UQCC1: variants seen among roughly 807,000 people sequenced by gnomAD.
UQCC1 encodes ubiquinol-cytochrome c reductase complex assembly factor 1.
Under a neutral mutation model 48.0 loss-of-function variants are expected in UQCC1, and 38 were observed. The ratio of observed to expected loss-of-function variants is 0.79; its 90% CI spans 0.61 to 1.04. The LOEUF (loss-of-function observed/expected upper bound fraction) is 1.04, where lower values mean the gene tolerates loss of function less well. UQCC1 is among the 50% of genes least tolerant of loss of function. The pLI is 0.00. For synonymous variants in UQCC1, 111 were observed against 129.2 expected, an observed-to-expected ratio of 0.86 and a Z score of 0.95; for missense variants, 368 against 381.8, an observed-to-expected ratio of 0.96 and a Z score of 0.30.
chr20:35,328,431 C>G (rs1293084288), intron 7 of UQCC1, among the ~76,000 whole-genome samples: 1 of 152,198 alleles, frequency 6.6e-6, no homozygotes, highest in African/African-American at 2.4e-5. Flanking sequence ...CACTCTCAGG[C>G]ATTGTTTAAA....
chr20:35,386,490 T>TC, intron 2 of UQCC1: 1 of 381,382 alleles, frequency 2.6e-6, no homozygotes, highest in Non-Finnish European at 5.1e-6. Context: ...TTCTGGTCAG[T>TC]CCCAAGGACA....
At chr20:35,374,369 C>T in intron 4 of UQCC1, 113 bp from the exon 5 acceptor site, 2 of 724,748 alleles carry the variant, frequency 2.8e-6, no homozygotes, top group Non-Finnish European at 4.5e-6. Flanking sequence ...AGGGTCCAAA[C>T]CACTCTCTAG....
intron 7 of UQCC1, among the ~76,000 whole-genome samples, chr20:35,316,133 A>T (rs1198066044): frequency 6.6e-6 from 1 of 152,206 alleles, no homozygotes; most frequent in Non-Finnish European, 1.5e-5. Context: ...AATGTATAGC[A>T]CAGAGTAAGG....
chr20:35,375,770 G>A (rs538257129), intron 4 of UQCC1, among the ~76,000 whole-genome samples: 2 of 151,796 alleles, frequency 1.3e-5, no homozygotes, highest in Admixed American at 1.3e-4. Flanking sequence ...GGGAAACATG[G>A]CAAAACGTTT....
intron 7 of UQCC1, among the ~76,000 whole-genome samples, chr20:35,324,812 T>C (rs1277551268): frequency 6.6e-6 from 1 of 152,198 alleles, no homozygotes; most frequent in South Asian, 2.1e-4. Flanking sequence ...AACTACCATA[T>C]AGCCCAGCAA....
intron 2 of UQCC1, among the ~76,000 whole-genome samples, chr20:35,392,820 A>C (rs1046549923): frequency 4.0e-5 from 6 of 151,422 alleles, no homozygotes; most frequent in Admixed American, 4.0e-4. Flanking sequence ...AAATTATATA[A>C]TATATATAAT....
Position 35,303,764 on chromosome 20 carries a change from A to C in UQCC1, c.*171T>G. The C allele has an allele frequency of 1.1e-6, 1 of 904,146 alleles. No individual in the cohort carries two copies. The highest frequency in any genetic ancestry group is 1.7e-6 in the Non-Finnish European group (1 of 589,878). 56.0% of individuals were successfully genotyped at this position (904,146 alleles called of 1,614,324 possible). The stretch of plus-strand genomic sequence containing the variant: ...TCCCAGCCCTGTACCCCAGCAGATC[A>C]GACTCCTGGGCACACTAAGAGGAAA... On this transcript the variant is annotated 3_prime_UTR_variant, in exon 10 of 10. Coordinates refer to ENST00000374385, the MANE Select transcript of UQCC1 (RefSeq NM_018244.5).
intron 4 of UQCC1, 46 bp downstream of exon 4, chr20:35,381,872 G>A (rs1600986215): frequency 8.8e-7 from 1 of 1,139,540 alleles, no homozygotes; most frequent in East Asian, 2.4e-5. Context: ...GGAGCAGAAA[G>A]CACAATGCCC....
intron 7 of UQCC1, among the ~76,000 whole-genome samples, chr20:35,341,204 G>C (rs1200232996): frequency 7.5e-6 from 1 of 133,764 alleles, no homozygotes; most frequent in Admixed American, 8.0e-5. Context: ...CTGGGTGACA[G>C]AGAGAGACTC....
At chr20:35,307,616 T>A (rs559895740) in intron 8 of UQCC1, among the ~76,000 whole-genome samples, 42 of 152,270 alleles carry the variant, frequency 2.8e-4, no homozygotes, top group African/African-American at 9.4e-4. Flanking sequence ...GCCAAGGTAG[T>A]GTGTGGAATC....
intron 2 of UQCC1, 69 bp from the exon 3 acceptor site, chr20:35,384,202 C>T: frequency 7.3e-7 from 1 of 1,364,872 alleles, no homozygotes; most frequent in South Asian, 1.2e-5. Context: ...AGAGCTGTTT[C>T]AAAGTAAAGA....
intron 2 of UQCC1, among the ~76,000 whole-genome samples, 180 bp downstream of exon 2, chr20:35,393,912 T>C (rs1009916766): frequency 6.6e-6 from 1 of 152,162 alleles, no homozygotes; most frequent in Non-Finnish European, 1.5e-5. Flanking sequence ...CTAGGGTATT[T>C]AGAAGCAACG....
intron 8 of UQCC1, among the ~76,000 whole-genome samples, chr20:35,309,404 GC>G (rs1425678050): frequency 6.6e-6 from 1 of 152,008 alleles, no homozygotes; most frequent in African/African-American, 2.4e-5. Flanking sequence ...CTGCACTCCA[GC>G]CTGGGCAACA....
chr20:35,396,260 C>T (rs1041337217), intron 1 of UQCC1, among the ~76,000 whole-genome samples: 8 of 142,450 alleles, frequency 5.6e-5, no homozygotes, highest in Non-Finnish European at 1.2e-4. Context: ...GCTGGGATTA[C>T]AGATGTGAGC....
chr20:35,339,177 CA>C (rs1158624669), intron 7 of UQCC1, among the ~76,000 whole-genome samples: 1 of 151,896 alleles, frequency 6.6e-6, no homozygotes, highest in Non-Finnish European at 1.5e-5. Flanking sequence ...ATTTGGAATA[CA>C]GGGCTAGCCA....
Position 35,394,182 on chromosome 20 carries a change from G to T in UQCC1, c.39C>A (p.Ser13Arg). 6.2e-7 allele frequency: 1 copy of T among 1,613,870 alleles called. No homozygotes were observed. Among genetic ancestry groups the T allele is most frequent in the Non-Finnish European group, 8.5e-7 (1 of 1,179,818 alleles). ...TGCATACTGGAACCCACTGAGAAAT[G>T]CTAGTCTGGTTCCTCTAAAGAAAGA... is the stretch of plus-strand genomic sequence containing the variant. ...LLVRVLRNQT[S>R]ISQWVPVCSR... The change falls in exon 2 of 10, where the codon AGC (serine) becomes AGA (arginine). Residue 13 changes from serine (S) to arginine (R), a missense_variant. By Grantham distance (110) the Ser-to-Arg change is moderately radical. Transcript: ENST00000374385.
chr20:35,308,409 G>A (rs1568645280), intron 8 of UQCC1, among the ~76,000 whole-genome samples: 1 of 152,256 alleles, frequency 6.6e-6, no homozygotes, highest in Non-Finnish European at 1.5e-5. Context: ...CCAGAGCGCT[G>A]CTGGCAGCAA....
rs929229936 is a variant in UQCC1 at position 35,346,879 on chromosome 20, C to T, written c.573+285G>A. 2.7e-5 allele frequency: 27 copies of T among 996,074 alleles called. No individual in the cohort carries two copies. The East Asian group carries it at 3.9e-4, about 15-fold the overall frequency. The allele number at this position is 996,074 out of a possible 1,614,324, so 61.7% of individuals were successfully genotyped here. ...ATTATCATTTGATTCCCTCCATTCA[C>T]CAAATCCATCCCTCCTATCACCACG... On this transcript the variant is annotated intron_variant, in intron 7 of 9. Coordinates refer to ENST00000374385, the MANE Select transcript of UQCC1 (RefSeq NM_018244.5).
chr20:35,372,938 T>C (rs1022354084), intron 5 of UQCC1, among the ~76,000 whole-genome samples: 2 of 152,202 alleles, frequency 1.3e-5, no homozygotes, highest in African/African-American at 4.8e-5. Context: ...GCTTTCTTCA[T>C]TGTTGTGAAC....
Sources: allele counts gnomAD v4.1 joint callset (sites outside exome capture counted in the v4.1 genomes callset), GRCh38; gene constraint gnomAD v4.1.1; transcripts MANE v1.5; gene names NCBI Gene and HGNC (gene_info 2026-07-23, HGNC 2026-07-21).